BNC2: variants seen among roughly 807,000 people sequenced by gnomAD.
BNC2 encodes the protein basonuclin zinc finger protein 2, also known as zinc finger protein basonuclin-2.
BNC2 carries 20 observed loss-of-function variants against 76.3 expected under a neutral mutation model. The ratio of observed to expected loss-of-function variants is 0.26; its 90% confidence interval spans 0.18 to 0.38. The LOEUF (loss-of-function observed/expected upper bound fraction) is 0.38, where lower values mean the gene tolerates loss of function less well. Ranked by LOEUF, BNC2 falls within the 10% of genes least tolerant of loss-of-function variation. BNC2 has a pLI of 1.00. For missense variants in BNC2, 1,382 were observed against 1,399.8 expected (o/e 0.99, Z 0.20); for synonymous variants, 582 against 514.8 (o/e 1.13, Z -1.77).
intron 5 of BNC2, among the ~76,000 whole-genome samples, chr9:16,459,390 T>G (rs1285796592): frequency 2.0e-5 from 3 of 152,184 alleles, no homozygotes; most frequent in Non-Finnish European, 4.4e-5. Context: ...GGTGTTGCAT[T>G]TGTTTTCTGT....
At chr9:16,630,172 T>A (rs1265353148) in intron 3 of BNC2, among the ~76,000 whole-genome samples, 1 of 151,048 alleles carries the variant, frequency 6.6e-6, no homozygotes, top group East Asian at 1.9e-4. Context: ...TACATAGACT[T>A]GAAACAGTAC....
chr9:16,493,392 T>A (rs1235065711), intron 5 of BNC2, among the ~76,000 whole-genome samples: 1 of 152,212 alleles, frequency 6.6e-6, no homozygotes, highest in Non-Finnish European at 1.5e-5. Context: ...ATGATTTGAA[T>A]TTTTAATTAG....
intron 5 of BNC2, among the ~76,000 whole-genome samples, chr9:16,542,594 G>A (rs1160821016): frequency 1.3e-5 from 2 of 152,150 alleles, no homozygotes; most frequent in Non-Finnish European, 2.9e-5. Context: ...TAAACAATCA[G>A]AATCACTAGT....
chr9:16,667,109 G>T (rs200184171), intron 3 of BNC2, among the ~76,000 whole-genome samples: 4 of 144,546 alleles, frequency 2.8e-5, no homozygotes, highest in African/African-American at 1.1e-4. Context: ...ACACACACAC[G>T]CACACACGCA....
intron 3 of BNC2, among the ~76,000 whole-genome samples, chr9:16,692,884 C>G (rs373125437): frequency 6.6e-6 from 1 of 151,968 alleles, no homozygotes; most frequent in Non-Finnish European, 1.5e-5. Flanking sequence ...AATTCCAGCA[C>G]TTTGGGGGGC....
Position 16,545,329 on chromosome 9 carries a change from T to C in BNC2, c.669+7201A>G, listed in dbSNP as rs114755953. Among the ~76,000 whole-genome samples, 1,258 of 152,316 alleles carry C rather than the reference T, an allele frequency of 8.3e-3. 18 individuals carry two copies. Among genetic ancestry groups the C allele is most frequent in the African/African-American group, 0.029 (1,194 of 41,564 alleles). On this transcript the variant is annotated intron_variant, in intron 5 of 6. Coordinates refer to ENST00000380672, the MANE Select transcript of BNC2 (RefSeq NM_017637.6). ...GTCTGTATCATCATCTTTTTCACTA[T>C]CATATTAATAGTTAGCATTGCCTGG...
intron 1 of BNC2, among the ~76,000 whole-genome samples, chr9:16,816,309 G>A (rs1818180982): frequency 6.6e-6 from 1 of 152,126 alleles, no homozygotes; most frequent in African/African-American, 2.4e-5. Flanking sequence ...CCTGATTTAT[G>A]TGGGAAATCT....
intron 1 of BNC2, among the ~76,000 whole-genome samples, chr9:16,849,936 G>T (rs1819087381): frequency 6.6e-6 from 1 of 151,956 alleles, no homozygotes; most frequent in African/African-American, 2.4e-5. Context: ...CCCACAAACA[G>T]TGTTATGTGC....
At chr9:16,660,099 G>A (rs1468870133) in intron 3 of BNC2, among the ~76,000 whole-genome samples, 1 of 152,170 alleles carries the variant, frequency 6.6e-6, no homozygotes, top group East Asian at 1.9e-4. Flanking sequence ...TTCTCCAATT[G>A]TACTATTTAC....
At chr9:16,628,389 T>G (rs1413649544) in intron 3 of BNC2, among the ~76,000 whole-genome samples, 1 of 152,174 alleles carries the variant, frequency 6.6e-6, no homozygotes, top group Non-Finnish European at 1.5e-5. Context: ...TCAAAAACCT[T>G]AAGTTTTCAG....
intron 3 of BNC2, among the ~76,000 whole-genome samples, chr9:16,696,040 T>C (rs1339721613): frequency 6.6e-6 from 1 of 152,216 alleles, no homozygotes; most frequent in African/African-American, 2.4e-5. Flanking sequence ...CATTCTGCCC[T>C]TTCAATCCCC....
At chr9:16,519,765 G>A (rs1817557079) in intron 5 of BNC2, among the ~76,000 whole-genome samples, 1 of 152,184 alleles carries the variant, frequency 6.6e-6, no homozygotes, top group Admixed American at 6.5e-5. Context: ...AGAGAAAAGT[G>A]AGGTTCATGG....
chr9:16,726,293 G>T (rs1341040034), intron 3 of BNC2, among the ~76,000 whole-genome samples: 1 of 152,152 alleles, frequency 6.6e-6, no homozygotes, highest in African/African-American at 2.4e-5. Context: ...CCAGCTTACT[G>T]TATCAGCAGT....
At chr9:16,832,931 G>C (rs937903319) in intron 1 of BNC2, among the ~76,000 whole-genome samples, 2 of 151,898 alleles carry the variant, frequency 1.3e-5, no homozygotes, top group African/African-American at 4.8e-5. Context: ...TCACCATGTT[G>C]GCCAGGATAG....
intron 4 of BNC2, among the ~76,000 whole-genome samples, chr9:16,554,511 T>C (rs1405725581): frequency 3.9e-5 from 6 of 152,206 alleles, no homozygotes. Flanking sequence ...CCTATTCTAG[T>C]GGTTAAGTCA....
intron 3 of BNC2, among the ~76,000 whole-genome samples, chr9:16,710,292 T>G (rs187246492): frequency 6.6e-6 from 1 of 152,264 alleles, no homozygotes; most frequent in Non-Finnish European, 1.5e-5. Context: ...TTCAGTCTTA[T>G]GCTTTGCATC....
Position 16,778,539 on chromosome 9 carries a change from G to A in BNC2, c.4-40054C>T, listed in dbSNP as rs139770745. Among the ~76,000 whole-genome samples, 1,411 of 152,296 alleles carry A rather than the reference G, an allele frequency of 9.3e-3. 14 individuals carry two copies. Among genetic ancestry groups the A allele is most frequent in the Middle Eastern group, 0.031 (9 of 294 alleles). On this transcript the variant is annotated intron_variant, in intron 1 of 6. Coordinates refer to ENST00000380672, the MANE Select transcript of BNC2 (RefSeq NM_017637.6). The stretch of plus-strand genomic sequence containing the variant: ...ACAATCTATTAAGCACATATTATGT[G>A]TCAGATACTTTCACATTATTTCTCT...
At chr9:16,696,744 AT>A (rs773975828) in intron 3 of BNC2, among the ~76,000 whole-genome samples, 1 of 152,194 alleles carries the variant, frequency 6.6e-6, no homozygotes, top group Non-Finnish European at 1.5e-5. Context: ...AAATAGAGTG[AT>A]TTTAACTATT....
intron 1 of BNC2, among the ~76,000 whole-genome samples, chr9:16,802,689 G>A (rs1226421834): frequency 1.3e-5 from 2 of 152,168 alleles, no homozygotes; most frequent in African/African-American, 4.8e-5. Flanking sequence ...GGACCGAAGG[G>A]TTTTTGTAAG....
Sources: allele counts gnomAD v4.1 joint callset (sites outside exome capture counted in the v4.1 genomes callset), GRCh38; gene constraint gnomAD v4.1.1; transcripts MANE v1.5; gene names NCBI Gene and HGNC (gene_info 2026-07-23, HGNC 2026-07-21).